GRIK2: variants seen among roughly 807,000 people sequenced by gnomAD.
The protein encoded by GRIK2 is glutamate ionotropic receptor kainate type subunit 2.
A neutral mutation model predicts 100.3 loss-of-function variants in GRIK2; 32 were observed. The observed-to-expected ratio is 0.32, with a 90% CI of 0.24 to 0.43. GRIK2 has a LOEUF of 0.43. Among genes scored for constraint, GRIK2 ranks in the 20% least tolerant of loss-of-function variants. The pLI is 1.00. For missense variants in GRIK2, 843 were observed against 1,114.9 expected (o/e 0.76, Z 3.47); for synonymous variants, 417 against 389.4 (o/e 1.07, Z -0.83).
At chr6:101,807,382 T>G (rs1448561339) in intron 9 of GRIK2, among the ~76,000 whole-genome samples, 1 of 152,016 alleles carries the variant, frequency 6.6e-6, no homozygotes. Flanking sequence ...ACAGTAAAAC[T>G]CAACATTCTA....
intron 2 of GRIK2, among the ~76,000 whole-genome samples, chr6:101,445,495 G>A (rs1770325934): frequency 6.6e-6 from 1 of 151,828 alleles, no homozygotes; most frequent in African/African-American, 2.4e-5. Context: ...ATTCATTCTG[G>A]TTTGCCTGCT....
chr6:102,003,999 C>T (rs1215948745), intron 14 of GRIK2, among the ~76,000 whole-genome samples: 1 of 150,348 alleles, frequency 6.7e-6, no homozygotes, highest in East Asian at 1.9e-4. Context: ...ATCTATGTTT[C>T]TGTAGATTTG....
intron 2 of GRIK2, among the ~76,000 whole-genome samples, chr6:101,494,103 A>C (rs1308595062): frequency 6.7e-6 from 1 of 149,578 alleles, no homozygotes; most frequent in East Asian, 1.9e-4. Flanking sequence ...TACACAGCAG[A>C]AACAGTTTTA....
chr6:101,949,163 T>A (rs1014659417), intron 14 of GRIK2, among the ~76,000 whole-genome samples: 2 of 151,972 alleles, frequency 1.3e-5, no homozygotes, highest in Non-Finnish European at 2.9e-5. Flanking sequence ...AAAGGGAGAA[T>A]AAGAGAGCTT....
At chr6:101,565,803 C>T (rs1462747809) in intron 2 of GRIK2, among the ~76,000 whole-genome samples, 1 of 151,054 alleles carries the variant, frequency 6.6e-6, no homozygotes, top group East Asian at 1.9e-4. Flanking sequence ...CTACTATTTA[C>T]CTATTGTTGA....
chr6:101,705,197 T>C (rs1008878426), intron 7 of GRIK2, among the ~76,000 whole-genome samples: 6 of 151,490 alleles, frequency 4.0e-5, no homozygotes, highest in South Asian at 2.1e-4. Context: ...GTGTATAACA[T>C]AACCTGAACT....
chr6:101,577,369 A>C (rs1047403997), intron 2 of GRIK2, among the ~76,000 whole-genome samples: 1 of 152,138 alleles, frequency 6.6e-6, no homozygotes, highest in Non-Finnish European at 1.5e-5. Flanking sequence ...AATGCTTTTA[A>C]ATGACACAAT....
intron 2 of GRIK2, among the ~76,000 whole-genome samples, chr6:101,607,461 T>G (rs1024724186): frequency 2.0e-5 from 3 of 151,980 alleles, no homozygotes; most frequent in Non-Finnish European, 4.4e-5. Context: ...TTTATGCAAA[T>G]GCAAATGTTT....
chr6:101,692,039 CAAAAAAAAAAAAAAAAAAA>C (rs60210939), intron 7 of GRIK2, among the ~76,000 whole-genome samples: 1 of 78,390 alleles, frequency 1.3e-5, no homozygotes, highest in African/African-American at 4.9e-5. Context: ...CACCCCGTCT[CAAAAAAAAAAAAAAAAAAA>C]AAAAAAAAAG....
At chr6:101,565,363 CT>C (rs1176744176) in intron 2 of GRIK2, among the ~76,000 whole-genome samples, 1 of 152,058 alleles carries the variant, frequency 6.6e-6, no homozygotes, top group Admixed American at 6.6e-5. Context: ...TTGGTTCAGT[CT>C]TTACCAGTCA....
At chr6:101,996,718 G>T (rs1025154090) in intron 14 of GRIK2, among the ~76,000 whole-genome samples, 2 of 152,120 alleles carry the variant, frequency 1.3e-5, no homozygotes, top group East Asian at 3.9e-4. Flanking sequence ...GTGAGGGACA[G>T]AGTCCTGTAG....
chr6:102,025,524 G>A (rs566923237), intron 14 of GRIK2, among the ~76,000 whole-genome samples: 32 of 151,182 alleles, frequency 2.1e-4, no homozygotes, highest in Non-Finnish European at 4.1e-4. Context: ...TCAAGAGGAA[G>A]TGGAGAAGCG....
chr6:102,010,060 A>G (rs1436046070), intron 14 of GRIK2, among the ~76,000 whole-genome samples: 1 of 152,130 alleles, frequency 6.6e-6, no homozygotes, highest in East Asian at 1.9e-4. Flanking sequence ...TCACAGCAAT[A>G]TTGAACAGAA....
chr6:101,661,468 T>TGCCAG (rs1769606789), intron 4 of GRIK2, among the ~76,000 whole-genome samples: 1 of 152,040 alleles, frequency 6.6e-6, no homozygotes, highest in South Asian at 2.1e-4. Flanking sequence ...TCAGCCCCCT[T>TGCCAG]GCCAGGGGAG....
At chr6:101,851,280 G>A (rs1012245745) in intron 10 of GRIK2, among the ~76,000 whole-genome samples, 1 of 151,958 alleles carries the variant, frequency 6.6e-6, no homozygotes, top group Non-Finnish European at 1.5e-5. Flanking sequence ...TAGGAGGCTA[G>A]TAGGACAAGT....
chr6:101,605,236 C>T (rs926725419), intron 2 of GRIK2, among the ~76,000 whole-genome samples: 15 of 151,930 alleles, frequency 9.9e-5, no homozygotes, highest in Admixed American at 5.3e-4. Context: ...AAACAAGTTA[C>T]TTAATTTCTC....
At chr6:102,029,736 C>T (rs908192936) in intron 14 of GRIK2, among the ~76,000 whole-genome samples, 1 of 151,152 alleles carries the variant, frequency 6.6e-6, no homozygotes, top group Non-Finnish European at 1.5e-5. Context: ...TACTCAGGAC[C>T]CACCTTATTA....
intron 11 of GRIK2, among the ~76,000 whole-genome samples, chr6:101,876,106 A>G (rs1785820351): frequency 6.6e-6 from 1 of 151,746 alleles, no homozygotes; most frequent in Admixed American, 6.6e-5. Context: ...AGAAGCCTGT[A>G]TTTAGGAAGT....
At chr6:101,871,208 TA>T (rs150916564) in intron 11 of GRIK2, among the ~76,000 whole-genome samples, 3,946 of 151,950 alleles carry the variant, frequency 0.026, 203 homozygotes, top group African/African-American at 0.09. Context: ...AACATCTTAA[TA>T]AAATCTTTTT....
Sources: allele counts gnomAD v4.1 joint callset (sites outside exome capture counted in the v4.1 genomes callset), GRCh38; gene constraint gnomAD v4.1.1; transcripts MANE v1.5; gene names NCBI Gene and HGNC (gene_info 2026-07-23, HGNC 2026-07-21).